Variants in LARP1B observed in about 807,000 individuals in gnomAD.
The protein encoded by LARP1B is la-related protein 1B.
A neutral mutation model predicts 114.2 loss-of-function variants in LARP1B; 76 were observed. The observed-to-expected ratio is 0.67, with a 90% CI of 0.55 to 0.81. The LOEUF (loss-of-function observed/expected upper bound fraction) is 0.81, where lower values mean the gene tolerates loss of function less well. LARP1B is among the 30% of genes least tolerant of loss of function. The probability of loss-of-function intolerance (pLI) is 0.00; values close to 1 mark genes in which losing one functional copy is unlikely to be tolerated. For synonymous variants in LARP1B, 345 were observed against 348.0 expected, an observed-to-expected ratio of 0.99 and a Z score of 0.10; for missense variants, 1,014 against 1,075.8, an observed-to-expected ratio of 0.94 and a Z score of 0.80.
At chr4:128,114,359 C>G (rs2306055) in intron 9 of LARP1B, among the ~76,000 whole-genome samples, 91,732 of 151,936 alleles carry the variant, frequency 0.6, 28,564 homozygotes, top group Middle Eastern at 0.8. Flanking sequence ...CTGTGTAAGA[C>G]TTGGTGACAT....
chr4:128,065,336 CTTTCTTTTCTTTTCT>C (rs70966072), intron 1 of LARP1B, among the ~76,000 whole-genome samples: 1,261 of 108,058 alleles, frequency 0.012, 16 homozygotes, highest in African/African-American at 0.029. Flanking sequence ...TCTCTCTTTC[CTTTCTTTTCTTTTCT>C]TTTCTTTTCT....
At chr4:128,110,842 G>A (rs1159083078) in intron 9 of LARP1B, among the ~76,000 whole-genome samples, 1 of 151,560 alleles carries the variant, frequency 6.6e-6, no homozygotes, top group Admixed American at 6.6e-5. Flanking sequence ...ATGTGTTGGC[G>A]AATATATTGA....
At chr4:128,159,289 A>AT (rs1308036582) in intron 11 of LARP1B, among the ~76,000 whole-genome samples, 3 of 152,170 alleles carry the variant, frequency 2.0e-5, no homozygotes, top group Non-Finnish European at 4.4e-5. Flanking sequence ...GTAGATTCAT[A>AT]TAACTATCAC....
intron 11 of LARP1B, chr4:128,122,656 A>C (rs571219154): frequency 7.0e-7 from 1 of 1,421,622 alleles, no homozygotes; most frequent in Admixed American, 3.0e-5. Context: ...TCTATGGTGC[A>C]TGATCTAAGG....
intron 7 of LARP1B, among the ~76,000 whole-genome samples, chr4:128,096,491 C>G (rs1778059549): frequency 6.6e-6 from 1 of 152,084 alleles, no homozygotes; most frequent in Non-Finnish European, 1.5e-5. Context: ...TTGTGTTTTT[C>G]AAGAGAAGAT....
chr4:128,195,308 C>T (rs894420503), intron 15 of LARP1B, among the ~76,000 whole-genome samples: 2 of 152,134 alleles, frequency 1.3e-5, no homozygotes, highest in Non-Finnish European at 2.9e-5. Context: ...ATTTTATCTT[C>T]GTTCTTTCCT....
intron 11 of LARP1B, 38 bp from the exon 12 acceptor site, chr4:128,162,156 A>G (rs779688330): frequency 6.2e-7 from 1 of 1,601,232 alleles, no homozygotes; most frequent in Non-Finnish European, 8.5e-7. Flanking sequence ...TTACTCTGTT[A>G]GCCAGTTTAG....
chr4:128,195,100 C>CT lies in LARP1B; in HGVS notation c.2004-4331dup, dbSNP rs113029496. Among the ~76,000 whole-genome samples, 28 of 151,896 alleles carry CT rather than the reference C, an allele frequency of 1.8e-4. No homozygotes were observed. The East Asian group carries it at 5.2e-3, about 28-fold the overall frequency. ...TGAATTCTAGATTATTACTTCTAGACTTTTTTTTGTTGTTGAAATCTTGCC... is the reference window on the plus strand; with the variant it reads ...TGAATTCTAGATTATTACTTCTAGACTTTTTTTTTGTTGTTGAAATCTTGCC... On this transcript the variant is annotated intron_variant, in intron 15 of 19. Transcript: ENST00000326639.
chr4:128,099,210 T>C (rs1779378146), intron 8 of LARP1B, among the ~76,000 whole-genome samples: 1 of 150,506 alleles, frequency 6.6e-6, no homozygotes, highest in Non-Finnish European at 1.5e-5. Flanking sequence ...TTCAACATCT[T>C]TTTTTTTCTA....
At chr4:128,110,448 C>T (rs62334583) in intron 9 of LARP1B, among the ~76,000 whole-genome samples, 89,644 of 148,392 alleles carry the variant, frequency 0.6, 27,815 homozygotes, top group Middle Eastern at 0.81. Context: ...CCGAGGCGGG[C>T]GGATCACGAG....
chr4:128,147,956 T>G (rs1442862056), intron 11 of LARP1B, among the ~76,000 whole-genome samples: 1 of 152,150 alleles, frequency 6.6e-6, no homozygotes, highest in African/African-American at 2.4e-5. Flanking sequence ...TAATAAAAAG[T>G]TTCTTGACAT....
chr4:128,175,818 C>A (rs1745624844), intron 12 of LARP1B, among the ~76,000 whole-genome samples: 1 of 151,968 alleles, frequency 6.6e-6, no homozygotes, highest in South Asian at 2.1e-4. Flanking sequence ...TTGATTTATG[C>A]TAGTATTTTT....
chr4:128,144,413 TA>T (rs1483902056), intron 11 of LARP1B, among the ~76,000 whole-genome samples: 1 of 152,182 alleles, frequency 6.6e-6, no homozygotes, highest in African/African-American at 2.4e-5. Context: ...ATTCTTCAAA[TA>T]TTTTTTATGT....
rs539067337 is a variant in LARP1B at position 128,172,318 on chromosome 4, T to G, written c.1649-4554T>G. ...GTTTCTTGTGCTTGAACTCACTGGA[T>G]TTTTAAAATATGTGTGTTTATACAT... is the stretch of plus-strand genomic sequence containing the variant. On this transcript the variant is annotated intron_variant, in intron 12 of 19. Coordinates refer to ENST00000326639, the MANE Select transcript of LARP1B (RefSeq NM_018078.4). Among the ~76,000 whole-genome samples the G allele has an allele frequency of 1.5e-4, 23 of 152,304 alleles. No individual in the cohort carries two copies. The South Asian group carries it at 2.7e-3, about 18-fold the overall frequency.
At chr4:128,126,706 A>T (rs1789734073) in intron 11 of LARP1B, among the ~76,000 whole-genome samples, 1 of 152,016 alleles carries the variant, frequency 6.6e-6, no homozygotes, top group Non-Finnish European at 1.5e-5. Context: ...TGAAAAGAGG[A>T]TACAGAATGA....
chr4:128,222,289 C>A, intron 7 of LARP1B: 1 of 455,934 alleles, frequency 2.2e-6, no homozygotes. Context: ...TGAAATCACA[C>A]CTTCAGTTTT....
intron 5 of LARP1B, among the ~76,000 whole-genome samples, chr4:128,083,661 A>ACGGGGCGGCTGGCCG (rs1771780157): frequency 8.2e-6 from 1 of 122,170 alleles, no homozygotes; most frequent in Non-Finnish European, 1.7e-5. Context: ...GCGGCTGGCC[A>ACGGGGCGGCTGGCCG]GGTGGGGGGG....
chr4:128,107,381 T>C (rs1782471320), intron 9 of LARP1B, 68 bp downstream of exon 9: 1 of 1,561,464 alleles, frequency 6.4e-7, no homozygotes, highest in Admixed American at 1.9e-5. Context: ...CTTACTTATT[T>C]ATTTATTTTC....
chr4:128,222,536 C>A, exon 8 of LARP1B: 1 of 282,348 alleles, frequency 3.5e-6, no homozygotes, highest in South Asian at 3.1e-5. Context: ...TTTTTTCTGC[C>A]CTGGGACATT....
Sources: gnomAD v4.1 joint callset for allele counts (sites outside exome capture counted in the v4.1 genomes callset) on GRCh38, gnomAD v4.1.1 for gene constraint, MANE v1.5 for transcripts, NCBI Gene and HGNC (gene_info 2026-07-23, HGNC 2026-07-21) for gene names.